The following CSMD3 variants were observed in gnomAD, a reference collection of about 807,000 sequenced individuals.
CSMD3 encodes CUB and sushi domain-containing protein 3.
CSMD3 carries 177 observed loss-of-function variants against 435.2 expected under a neutral mutation model. The observed-to-expected ratio is 0.41, with a 90% CI of 0.36 to 0.46. The LOEUF (loss-of-function observed/expected upper bound fraction) is 0.46. CSMD3 is among the 20% of genes least tolerant of loss of function. The pLI is 0.34. For synonymous variants in CSMD3, 1,656 were observed against 1,520.5 expected (o/e 1.09, Z -2.07); for missense variants, 4,265 against 4,504.6 (o/e 0.95, Z 1.52).
chr8:113,242,266 G>A (rs188245682), intron 3 of CSMD3, among the ~76,000 whole-genome samples: 148 of 151,946 alleles, frequency 9.7e-4, no homozygotes, highest in African/African-American at 3.4e-3. Flanking sequence ...TTACCTTAAT[G>A]AACAGAATAA....
intron 1 of CSMD3, among the ~76,000 whole-genome samples, chr8:113,351,602 G>C (rs1355454760): frequency 6.6e-6 from 1 of 152,020 alleles, no homozygotes; most frequent in Non-Finnish European, 1.5e-5. Flanking sequence ...CTTTAGTCCT[G>C]AAATTGAATG....
At chr8:113,427,476 C>T (rs181139758) in intron 1 of CSMD3, among the ~76,000 whole-genome samples, 8 of 147,322 alleles carry the variant, frequency 5.4e-5, no homozygotes, top group Admixed American at 4.0e-4. Flanking sequence ...TCTCATAAAC[C>T]AATTATGTCT....
At chr8:113,389,574 C>A (rs1177528605) in intron 1 of CSMD3, among the ~76,000 whole-genome samples, 1 of 151,714 alleles carries the variant, frequency 6.6e-6, no homozygotes, top group Non-Finnish European at 1.5e-5. Flanking sequence ...TTTACACTGT[C>A]TTTACTCTGC....
chr8:112,271,881 C>T lies in CSMD3; in HGVS notation c.9509-6291G>A, dbSNP rs189484395. 1.8e-3 allele frequency among the ~76,000 whole-genome samples: 270 copies of T among 152,134 alleles called. 1 individual carries two copies. The highest frequency in any genetic ancestry group is 6.3e-3 in the African/African-American group (262 of 41,508). ...TCAAAATTCATGTGCTAATTTAATC[C>T]CCAATTCCATAGTATTAAAAGGTAG... On this transcript the variant is annotated intron_variant, in intron 59 of 70. Transcript: ENST00000297405.
At chr8:112,570,342 G>A (rs190094055) in intron 24 of CSMD3, among the ~76,000 whole-genome samples, 14 of 152,230 alleles carry the variant, frequency 9.2e-5, no homozygotes, top group African/African-American at 2.9e-4. Context: ...ACATATGTTC[G>A]CAAACAAGTA....
intron 1 of CSMD3, among the ~76,000 whole-genome samples, chr8:113,342,238 T>C (rs1340163608): frequency 6.6e-6 from 1 of 152,152 alleles, no homozygotes; most frequent in Non-Finnish European, 1.5e-5. Flanking sequence ...TCACCTTCCA[T>C]GTAAACACTA....
chr8:112,533,313 T>C (rs1825721564), intron 27 of CSMD3, among the ~76,000 whole-genome samples: 1 of 152,030 alleles, frequency 6.6e-6, no homozygotes, highest in Admixed American at 6.6e-5. Flanking sequence ...CAATTTTCAA[T>C]TGAAAAACAA....
chr8:112,639,143 T>C (rs935454424), intron 20 of CSMD3, among the ~76,000 whole-genome samples: 2 of 152,060 alleles, frequency 1.3e-5, no homozygotes, highest in African/African-American at 2.4e-5. Context: ...TGCTTGAAAA[T>C]ACAATTTAAA....
At chr8:112,271,323 T>C (rs903171674) in intron 59 of CSMD3, among the ~76,000 whole-genome samples, 1 of 152,226 alleles carries the variant, frequency 6.6e-6, no homozygotes, top group African/African-American at 2.4e-5. Context: ...AGAAATGATA[T>C]AATTTTGCAG....
At chr8:112,330,701 G>A (rs1823959714) in intron 45 of CSMD3, among the ~76,000 whole-genome samples, 1 of 152,014 alleles carries the variant, frequency 6.6e-6, no homozygotes, top group African/African-American at 2.4e-5. Flanking sequence ...TTATAATTAG[G>A]AGGCGTATTT....
chr8:112,580,491 A>T (rs911493046), intron 23 of CSMD3, among the ~76,000 whole-genome samples: 1 of 150,864 alleles, frequency 6.6e-6, no homozygotes, highest in Non-Finnish European at 1.5e-5. Flanking sequence ...CTGGCTTTCT[A>T]TCTGGAGCCC....
chr8:113,136,151 T>C (rs942439521), intron 4 of CSMD3, among the ~76,000 whole-genome samples: 8 of 151,784 alleles, frequency 5.3e-5, no homozygotes, highest in Non-Finnish European at 8.8e-5. Flanking sequence ...AATGGTCAAG[T>C]GTTTCTGGTA....
At chr8:112,694,550 T>C (rs1208605997) in intron 13 of CSMD3, among the ~76,000 whole-genome samples, 2 of 152,216 alleles carry the variant, frequency 1.3e-5, no homozygotes, top group East Asian at 3.9e-4. Context: ...TCTTTAAAAT[T>C]AAGAACATAT....
At chr8:112,394,207 A>G (rs982473970) in intron 35 of CSMD3, among the ~76,000 whole-genome samples, 1 of 152,066 alleles carries the variant, frequency 6.6e-6, no homozygotes, top group African/African-American at 2.4e-5. Context: ...TTACATTTAC[A>G]TCTATTCTCA....
At chr8:112,489,992 T>A (rs1439147081) in intron 31 of CSMD3, among the ~76,000 whole-genome samples, 2 of 152,168 alleles carry the variant, frequency 1.3e-5, no homozygotes, top group East Asian at 3.8e-4. Context: ...AGATAAATTA[T>A]TTTTAATTAA....
At chr8:112,782,931 A>G (rs1234840067) in intron 13 of CSMD3, among the ~76,000 whole-genome samples, 1 of 152,134 alleles carries the variant, frequency 6.6e-6, no homozygotes, top group Non-Finnish European at 1.5e-5. Context: ...CCTGTCCTAT[A>G]AGAAACGCTT....
At chr8:113,126,333 T>C (rs1480202059) in intron 4 of CSMD3, among the ~76,000 whole-genome samples, 3 of 151,904 alleles carry the variant, frequency 2.0e-5, no homozygotes, top group African/African-American at 7.2e-5. Flanking sequence ...GGCCTTTTAA[T>C]GTCCAAGGGG....
rs545618168 is a variant in CSMD3 at position 113,162,889 on chromosome 8, C to T, written c.709+10833G>A. Among the ~76,000 whole-genome samples, 192 of 152,226 alleles carry T rather than the reference C, an allele frequency of 1.3e-3. 1 individual carries two copies. The highest frequency in any genetic ancestry group is 2.4e-3 in the Non-Finnish European group (164 of 68,008). ...CTTCAAGTCTCTAACAAGATTAATA[C>T]TCTTCACACCACGTTAAAATTTTCA... On this transcript the variant is annotated intron_variant, in intron 4 of 70. Coordinates refer to ENST00000297405, the MANE Select transcript of CSMD3 (RefSeq NM_198123.2).
intron 1 of CSMD3, among the ~76,000 whole-genome samples, chr8:113,372,993 TA>T (rs1178891791): frequency 6.6e-6 from 1 of 151,310 alleles, no homozygotes; most frequent in Non-Finnish European, 1.5e-5. Context: ...TTTTAAAAAG[TA>T]AAAAATTTAG....
Sources: allele counts gnomAD v4.1 joint callset (sites outside exome capture counted in the v4.1 genomes callset), GRCh38; gene constraint gnomAD v4.1.1; transcripts MANE v1.5; gene names NCBI Gene and HGNC (gene_info 2026-07-23, HGNC 2026-07-21).